The following CNTN4 variants were observed in gnomAD, a reference collection of about 807,000 sequenced individuals.
CNTN4 encodes contactin-4.
In CNTN4, 77 loss-of-function variants were observed where a neutral mutation model predicts 122.5. That is an observed-to-expected ratio of 0.63 (90% CI 0.52 to 0.76). The LOEUF is 0.76. CNTN4 is among the 30% of genes least tolerant of loss of function. CNTN4 has a pLI of 0.00. For missense variants in CNTN4, 1,256 were observed against 1,259.1 expected, an observed-to-expected ratio of 1.00 and a Z score of 0.04; for synonymous variants, 512 against 447.0, an observed-to-expected ratio of 1.15 and a Z score of -1.83.
chr3:3,052,354 C>T lies in CNTN4; in HGVS notation c.2812-1453C>T, dbSNP rs188928501. Among the ~76,000 whole-genome samples the T allele has an allele frequency of 1.2e-3, 180 of 152,252 alleles. 1 individual carries two copies. Among genetic ancestry groups the T allele is most frequent in the Non-Finnish European group, 1.3e-3 (91 of 68,018 alleles). On this transcript the variant is annotated intron_variant, in intron 23 of 24. Coordinates refer to ENST00000418658, the MANE Select transcript of CNTN4 (RefSeq NM_175607.3). ...CAACAGGAGGACATGTTTTGACAAA[C>T]ATGTCTGCAGACATTGCCAGATACC...
intron 2 of CNTN4, among the ~76,000 whole-genome samples, chr3:2,203,131 GC>G (rs1034872845): frequency 3.1e-4 from 47 of 152,068 alleles, no homozygotes; most frequent in African/African-American, 1.1e-3. Context: ...TCTCTGCCTG[GC>G]CACAATTACA....
At chr3:2,864,467 G>A (rs949512535) in intron 7 of CNTN4, among the ~76,000 whole-genome samples, 7 of 151,868 alleles carry the variant, frequency 4.6e-5, no homozygotes, top group Admixed American at 1.3e-4. Flanking sequence ...AGCCAGGCGC[G>A]GTGGCTCACA....
At chr3:2,566,349 T>C (rs930375909) in intron 3 of CNTN4, among the ~76,000 whole-genome samples, 1 of 152,234 alleles carries the variant, frequency 6.6e-6, no homozygotes, top group African/African-American at 2.4e-5. Flanking sequence ...CCTCTCATAT[T>C]CTAATTGCCA....
chr3:2,917,183 C>T (rs572323883), intron 12 of CNTN4, among the ~76,000 whole-genome samples: 1 of 150,158 alleles, frequency 6.7e-6, no homozygotes, highest in Non-Finnish European at 1.5e-5. Context: ...CGCCTGCAAT[C>T]GCAGGCAGTC....
chr3:2,289,720 A>G lies in CNTN4; in HGVS notation c.-144-49458A>G, dbSNP rs574100446. 4.1e-4 allele frequency among the ~76,000 whole-genome samples: 62 copies of G among 152,330 alleles called. 2 individuals are homozygous for G. The South Asian group carries it at 0.012, about 30-fold the overall frequency. On this transcript the variant is annotated intron_variant, in intron 2 of 24. Coordinates refer to ENST00000418658, the MANE Select transcript of CNTN4 (RefSeq NM_175607.3). The stretch of plus-strand genomic sequence containing the variant: ...AATATAAGAGAAAATAAGATAATGA[A>G]GAATGAACTATAAAACAATTTAGAG...
At chr3:2,200,343 G>A (rs112536678) in intron 2 of CNTN4, among the ~76,000 whole-genome samples, 3,121 of 152,280 alleles carry the variant, frequency 0.02, 38 homozygotes, top group Middle Eastern at 0.051. Flanking sequence ...CTAGTAACAG[G>A]CCCTTCATAA....
At chr3:2,402,753 A>C (rs1399607019) in intron 3 of CNTN4, among the ~76,000 whole-genome samples, 2 of 152,064 alleles carry the variant, frequency 1.3e-5, no homozygotes, top group Non-Finnish European at 2.9e-5. Context: ...GTTTCTTATA[A>C]AATATAGTAA....
At chr3:2,747,142 G>A (rs2089814660) in intron 6 of CNTN4, among the ~76,000 whole-genome samples, 1 of 152,004 alleles carries the variant, frequency 6.6e-6, no homozygotes, top group African/African-American at 2.4e-5. Flanking sequence ...CAGCGCGGTG[G>A]CTCACGCCTG....
chr3:2,883,614 A>T (rs2150987065), intron 9 of CNTN4, among the ~76,000 whole-genome samples: 1 of 152,272 alleles, frequency 6.6e-6, no homozygotes, highest in East Asian at 1.9e-4. Flanking sequence ...AAAAATACGG[A>T]CTTTCATTTT....
At chr3:2,780,762 G>T (rs1176318868) in intron 6 of CNTN4, among the ~76,000 whole-genome samples, 1 of 152,204 alleles carries the variant, frequency 6.6e-6, no homozygotes, top group Non-Finnish European at 1.5e-5. Flanking sequence ...ATGAAAAAAT[G>T]CCACTTTAAT....
chr3:2,944,150 G>T (rs953831678), intron 13 of CNTN4, among the ~76,000 whole-genome samples: 17 of 150,476 alleles, frequency 1.1e-4, no homozygotes, highest in Admixed American at 6.6e-5. Flanking sequence ...ATGAATTTTT[G>T]GGGGGTTTTT....
chr3:2,262,850 C>T (rs1194383897), intron 2 of CNTN4, among the ~76,000 whole-genome samples: 2 of 152,108 alleles, frequency 1.3e-5, no homozygotes, highest in Non-Finnish European at 2.9e-5. Flanking sequence ...TCCAAAGCTA[C>T]TGTAGTGTTC....
chr3:2,493,626 C>T (rs1272478848), intron 3 of CNTN4, among the ~76,000 whole-genome samples: 3 of 151,686 alleles, frequency 2.0e-5, no homozygotes, highest in Non-Finnish European at 2.9e-5. Flanking sequence ...TGCTAGCTGC[C>T]AACCAATATC....
intron 2 of CNTN4, among the ~76,000 whole-genome samples, chr3:2,113,178 G>A (rs957059663): frequency 6.6e-6 from 1 of 152,150 alleles, no homozygotes; most frequent in African/African-American, 2.4e-5. Context: ...GAAGCGGGTG[G>A]AAGGGCTGTT....
At position 2,939,451 on chromosome 3, in the gene CNTN4, AT is replaced by A. The variant is rs532617089; in HGVS notation, c.1358+13674del. ...TCCCTAGAATAAGTAATATTTTGTA[AT>A]TCAGCTGTCCTTCCCACATGAAACA... On this transcript the variant is annotated intron_variant, in intron 13 of 24. Coordinates refer to ENST00000418658, the MANE Select transcript of CNTN4 (RefSeq NM_175607.3). Among the ~76,000 whole-genome samples, 416 of 152,284 alleles carry A rather than the reference AT, an allele frequency of 2.7e-3. 2 individuals are homozygous for A. Among genetic ancestry groups the A allele is most frequent in the Admixed American group, 7.1e-3 (109 of 15,286 alleles).
Position 2,378,399 on chromosome 3 carries a change from C to T in CNTN4, c.-89+39166C>T, listed in dbSNP as rs143854997. On this transcript the variant is annotated intron_variant, in intron 3 of 24. Transcript: ENST00000418658. Reference sequence around the variant, plus strand: ...CTGTGCTATACCTTATTTCCACTCACACTGGTTAGAAGTCAGTCCCATTGC... The same window carrying T: ...CTGTGCTATACCTTATTTCCACTCATACTGGTTAGAAGTCAGTCCCATTGC... Among the ~76,000 whole-genome samples the T allele has an allele frequency of 8.2e-3, 1,253 of 152,274 alleles. 12 individuals carry two copies. Among genetic ancestry groups the T allele is most frequent in the African/African-American group, 0.028 (1,181 of 41,552 alleles).
chr3:3,005,128 A>T (rs1006797953), intron 14 of CNTN4, among the ~76,000 whole-genome samples: 2 of 152,088 alleles, frequency 1.3e-5, no homozygotes, highest in African/African-American at 4.8e-5. Context: ...CTTCCTCTTC[A>T]GTTTAAATTG....
intron 14 of CNTN4, among the ~76,000 whole-genome samples, chr3:3,003,684 C>CAAAAAAAAAAAA (rs58290160): frequency 5.2e-5 from 4 of 76,966 alleles, no homozygotes; most frequent in Admixed American, 1.8e-4. Flanking sequence ...ATGGTTGCAC[C>CAAAAAAAAAAAA]AAAAAAAAAA....
chr3:2,103,257 T>G (rs1217826353), intron 2 of CNTN4, among the ~76,000 whole-genome samples: 1 of 151,746 alleles, frequency 6.6e-6, no homozygotes, highest in Non-Finnish European at 1.5e-5. Context: ...TGCCTATATA[T>G]AAAAAAGTTG....
Sources: gnomAD v4.1 joint callset for allele counts (sites outside exome capture counted in the v4.1 genomes callset) on GRCh38, gnomAD v4.1.1 for gene constraint, MANE v1.5 for transcripts, NCBI Gene and HGNC (gene_info 2026-07-23, HGNC 2026-07-21) for gene names.